HECW2: variants seen among roughly 807,000 people sequenced by gnomAD.
HECW2 encodes the protein HECT, C2 and WW domain containing E3 ubiquitin protein ligase 2.
A neutral mutation model predicts 175.2 loss-of-function variants in HECW2; 61 were observed. The ratio of observed to expected loss-of-function variants is 0.35; its 90% CI spans 0.28 to 0.43. The LOEUF (loss-of-function observed/expected upper bound fraction) is 0.43. Ranked by LOEUF, HECW2 falls within the 20% of genes least tolerant of loss-of-function variation. The probability of loss-of-function intolerance (pLI) is 1.00; values close to 1 mark genes in which losing one functional copy is unlikely to be tolerated. For synonymous variants in HECW2, 671 were observed against 731.0 expected (o/e 0.92, Z 1.32); for missense variants, 1,524 against 2,000.5 (o/e 0.76, Z 4.54).
chr2:196,350,792 AG>A (rs1484312394), intron 2 of HECW2, among the ~76,000 whole-genome samples: 1 of 149,290 alleles, frequency 6.7e-6, no homozygotes, highest in African/African-American at 2.6e-5. Flanking sequence ...ACTATGGTAA[AG>A]GTAACCATGT....
intron 2 of HECW2, among the ~76,000 whole-genome samples, chr2:196,394,991 G>A (rs931333617): frequency 1.3e-5 from 2 of 152,128 alleles, no homozygotes; most frequent in East Asian, 3.8e-4. Flanking sequence ...CCTTTTATGT[G>A]TGCCCACTTG....
At chr2:196,312,350 C>A (rs1691529109) in intron 10 of HECW2, among the ~76,000 whole-genome samples, 1 of 152,130 alleles carries the variant, frequency 6.6e-6, no homozygotes, top group Non-Finnish European at 1.5e-5. Context: ...CTATAAAAAA[C>A]TATAATAACC....
intron 21 of HECW2, among the ~76,000 whole-genome samples, chr2:196,231,729 C>T (rs913706302): frequency 2.6e-5 from 4 of 152,206 alleles, no homozygotes; most frequent in Admixed American, 6.5e-5. Flanking sequence ...TGGCTCACGC[C>T]TGTAATCCCA....
chr2:196,398,070 T>C (rs182004619), intron 2 of HECW2, among the ~76,000 whole-genome samples: 703 of 137,166 alleles, frequency 5.1e-3, no homozygotes, highest in Non-Finnish European at 7.7e-3. Flanking sequence ...AAGGACACAA[T>C]AGAAGGGGAA....
chr2:196,420,644 C>T (rs1695383160), intron 2 of HECW2, among the ~76,000 whole-genome samples: 2 of 152,172 alleles, frequency 1.3e-5, no homozygotes, highest in Admixed American at 6.5e-5. Flanking sequence ...CACCTGTGTG[C>T]TTCCATTTAT....
At chr2:196,446,763 G>A (rs1199433395) in intron 1 of HECW2, among the ~76,000 whole-genome samples, 1 of 152,098 alleles carries the variant, frequency 6.6e-6, no homozygotes, top group Admixed American at 6.5e-5. Context: ...AAGCAAGAAG[G>A]GATGGAATCC....
At chr2:196,530,864 A>C (rs914344583) in intron 1 of HECW2, among the ~76,000 whole-genome samples, 1 of 152,190 alleles carries the variant, frequency 6.6e-6, no homozygotes, top group African/African-American at 2.4e-5. Context: ...GCAGTACCTT[A>C]AAGTATGTCC....
At chr2:196,487,711 T>A (rs1033076848) in intron 1 of HECW2, among the ~76,000 whole-genome samples, 1 of 152,208 alleles carries the variant, frequency 6.6e-6, no homozygotes, top group African/African-American at 2.4e-5. Flanking sequence ...TTTAACCATC[T>A]CAAAACTGTA....
At chr2:196,275,176 C>T (rs1407923596) in intron 15 of HECW2, among the ~76,000 whole-genome samples, 7 of 152,156 alleles carry the variant, frequency 4.6e-5, no homozygotes, top group East Asian at 3.9e-4. Flanking sequence ...AGCCCCTCCT[C>T]GACAAGGTCT....
chr2:196,468,342 T>C (rs1697047908), intron 1 of HECW2, among the ~76,000 whole-genome samples: 1 of 152,216 alleles, frequency 6.6e-6, no homozygotes, highest in Non-Finnish European at 1.5e-5. Flanking sequence ...TTAACTCAAA[T>C]TAATCTCTCA....
chr2:196,433,614 A>T (rs745405999), intron 1 of HECW2, among the ~76,000 whole-genome samples, 156 bp from the exon 2 acceptor site: 13 of 152,196 alleles, frequency 8.5e-5, no homozygotes, highest in Non-Finnish European at 1.9e-4. Flanking sequence ...CTGTTAAATG[A>T]TGATGTCAGA....
chr2:196,270,745 G>T (rs1380617265), intron 17 of HECW2, among the ~76,000 whole-genome samples: 1 of 151,552 alleles, frequency 6.6e-6, no homozygotes, highest in Non-Finnish European at 1.5e-5. Context: ...TCTGTCGCCA[G>T]GCTGGAGTGC....
chr2:196,388,229 A>C (rs1006552892), intron 2 of HECW2, among the ~76,000 whole-genome samples: 1 of 152,174 alleles, frequency 6.6e-6, no homozygotes, highest in African/African-American at 2.4e-5. Flanking sequence ...GCCCAGGTCA[A>C]GGTTGCAATA....
chr2:196,415,599 G>A (rs757482255), intron 2 of HECW2, among the ~76,000 whole-genome samples: 9 of 18,028 alleles, frequency 5.0e-4, no homozygotes, highest in Middle Eastern at 0.015. Context: ...CGCTGAATGC[G>A]GAGCTGAGCT....
At chr2:196,431,730 A>C (rs1437698517) in intron 2 of HECW2, among the ~76,000 whole-genome samples, 1 of 152,204 alleles carries the variant, frequency 6.6e-6, no homozygotes, top group African/African-American at 2.4e-5. Context: ...ATTTGATTAT[A>C]TTTTAAAACA....
intron 2 of HECW2, among the ~76,000 whole-genome samples, chr2:196,430,242 T>C (rs1445914545): frequency 1.3e-5 from 2 of 152,082 alleles, no homozygotes; most frequent in Non-Finnish European, 2.9e-5. Context: ...ACAGATCCAG[T>C]CTAACAAAGT....
At chr2:196,284,044 C>T (rs1352794796) in intron 14 of HECW2, among the ~76,000 whole-genome samples, 1 of 152,114 alleles carries the variant, frequency 6.6e-6, no homozygotes, top group African/African-American at 2.4e-5. Context: ...CTGCTTTCTG[C>T]CTACCATCTT....
intron 17 of HECW2, among the ~76,000 whole-genome samples, chr2:196,261,273 A>C (rs1384009859): frequency 6.6e-6 from 1 of 152,254 alleles, no homozygotes; most frequent in Non-Finnish European, 1.5e-5. Context: ...AGATGGATTT[A>C]AAAAGAAAAT....
intron 1 of HECW2, among the ~76,000 whole-genome samples, chr2:196,556,819 A>C (rs1268618159): frequency 2.6e-5 from 4 of 152,224 alleles, no homozygotes; most frequent in Non-Finnish European, 5.9e-5. Context: ...ACATCTGACT[A>C]CCAAAAACTA....
Sources: gnomAD v4.1 joint callset for allele counts (sites outside exome capture counted in the v4.1 genomes callset) on GRCh38, gnomAD v4.1.1 for gene constraint, MANE v1.5 for transcripts, NCBI Gene and HGNC (gene_info 2026-07-23, HGNC 2026-07-21) for gene names.